CFAP299: variants seen among roughly 807,000 people sequenced by gnomAD.
CFAP299 encodes cilia- and flagella-associated protein 299.
Under a neutral mutation model 27.0 loss-of-function variants are expected in CFAP299, and 21 were observed. That is an observed-to-expected ratio of 0.78 (90% confidence interval 0.55 to 1.12). The LOEUF is 1.12. Among genes scored for constraint, CFAP299 ranks in the 50% most tolerant of loss-of-function variants. The pLI, the probability that CFAP299 is intolerant of heterozygous loss-of-function variation, is 0.00. For missense variants in CFAP299, 310 were observed against 276.6 expected, an observed-to-expected ratio of 1.12 and a Z score of -0.86; for synonymous variants, 104 against 98.1, an observed-to-expected ratio of 1.06 and a Z score of -0.36.
At chr4:80,892,964 T>A (rs963015474) in intron 4 of CFAP299, among the ~76,000 whole-genome samples, 3 of 151,900 alleles carry the variant, frequency 2.0e-5, no homozygotes, top group Non-Finnish European at 4.4e-5. Flanking sequence ...GACATAATCT[T>A]ATATGTAGAA....
chr4:80,868,023 C>A (rs1732845410), intron 3 of CFAP299, among the ~76,000 whole-genome samples: 1 of 152,100 alleles, frequency 6.6e-6, no homozygotes, highest in African/African-American at 2.4e-5. Flanking sequence ...TAGATTTATA[C>A]ACACATATGT....
chr4:80,656,601 A>G (rs997854356), intron 3 of CFAP299, among the ~76,000 whole-genome samples: 1 of 152,148 alleles, frequency 6.6e-6, no homozygotes, highest in Admixed American at 6.5e-5. Flanking sequence ...TATATGTACC[A>G]CGTTTTCTTT....
Position 80,716,018 on chromosome 4 carries a change from A to G in CFAP299, c.333+132835A>G, listed in dbSNP as rs574277595. On this transcript the variant is annotated intron_variant, in intron 3 of 5. Coordinates refer to ENST00000358105, the MANE Select transcript of CFAP299 (RefSeq NM_152770.3). ...TTGATTTTTAATATGTCTAAATCTGAAAAAAATCCTTCAAACTAACTAGGA... is the reference window on the plus strand; with the variant it reads ...TTGATTTTTAATATGTCTAAATCTGGAAAAAATCCTTCAAACTAACTAGGA... Among the ~76,000 whole-genome samples the G allele has an allele frequency of 2.0e-4, 31 of 152,150 alleles. No individual in the cohort carries two copies. In the South Asian group the frequency reaches 2.5e-3, roughly 12 times the overall value.
chr4:80,606,239 T>C (rs760295230), intron 3 of CFAP299, among the ~76,000 whole-genome samples: 1 of 152,132 alleles, frequency 6.6e-6, no homozygotes, highest in Non-Finnish European at 1.5e-5. Flanking sequence ...TGTACAAAGG[T>C]ATATAGCCAT....
chr4:80,804,329 T>C (rs970092716), intron 3 of CFAP299, among the ~76,000 whole-genome samples: 1 of 152,154 alleles, frequency 6.6e-6, no homozygotes, highest in South Asian at 2.1e-4. Context: ...CTGTCTCTAT[T>C]ATTTCACTAT....
At chr4:80,633,824 C>A (rs1387551202) in intron 3 of CFAP299, among the ~76,000 whole-genome samples, 1 of 152,030 alleles carries the variant, frequency 6.6e-6, no homozygotes, top group East Asian at 1.9e-4. Flanking sequence ...ATCTAAGTAG[C>A]AGTTTTTCCT....
intron 3 of CFAP299, among the ~76,000 whole-genome samples, chr4:80,665,630 G>A (rs1313743253): frequency 6.6e-6 from 1 of 152,032 alleles, no homozygotes; most frequent in Non-Finnish European, 1.5e-5. Context: ...TTCATATAAT[G>A]TTTTTGAACA....
intron 4 of CFAP299, among the ~76,000 whole-genome samples, chr4:80,891,778 T>TTAAAAAAAAATAAA (rs1734296216): frequency 3.9e-5 from 1 of 25,596 alleles, no homozygotes; most frequent in African/African-American, 2.2e-4. Context: ...AAAAAAAAAT[T>TTAAAAAAAAATAAA]AAAAAAAAAA....
intron 2 of CFAP299, among the ~76,000 whole-genome samples, chr4:80,445,653 C>A (rs774508528): frequency 6.6e-6 from 1 of 152,102 alleles, no homozygotes; most frequent in South Asian, 2.1e-4. Context: ...GCACATGTAT[C>A]CCAGAACTTA....
At chr4:80,854,828 A>C (rs1161201004) in intron 3 of CFAP299, among the ~76,000 whole-genome samples, 4 of 151,088 alleles carry the variant, frequency 2.6e-5, no homozygotes, top group Admixed American at 2.0e-4. Context: ...AAAAAAAAAA[A>C]AAAAAAAAAC....
chr4:80,735,837 A>G (rs184558789), intron 3 of CFAP299, among the ~76,000 whole-genome samples: 2 of 152,046 alleles, frequency 1.3e-5, no homozygotes, highest in Non-Finnish European at 2.9e-5. Flanking sequence ...ATGCAGTTTG[A>G]TAGTATTTTG....
At chr4:80,443,292 G>A (rs1461021953) in intron 2 of CFAP299, among the ~76,000 whole-genome samples, 1 of 152,098 alleles carries the variant, frequency 6.6e-6, no homozygotes. Flanking sequence ...CAAAATACTG[G>A]GAAACCGAAT....
intron 3 of CFAP299, among the ~76,000 whole-genome samples, chr4:80,762,019 T>C (rs1392701600): frequency 6.6e-6 from 1 of 152,010 alleles, no homozygotes; most frequent in African/African-American, 2.4e-5. Flanking sequence ...CATGTTTATA[T>C]GTGTTTGGGA....
At chr4:80,680,872 C>T (rs1719792632) in intron 3 of CFAP299, among the ~76,000 whole-genome samples, 3 of 152,040 alleles carry the variant, frequency 2.0e-5, no homozygotes, top group South Asian at 2.1e-4. Flanking sequence ...GAAGCCTGCC[C>T]CTTTTGGATC....
intron 4 of CFAP299, among the ~76,000 whole-genome samples, chr4:80,905,658 G>C (rs766163758): frequency 3.9e-5 from 6 of 152,114 alleles, no homozygotes; most frequent in Non-Finnish European, 8.8e-5. Flanking sequence ...TACAAACTTG[G>C]TGGAAGGGGA....
At chr4:80,775,846 A>G (rs1436222453) in intron 3 of CFAP299, among the ~76,000 whole-genome samples, 4 of 152,180 alleles carry the variant, frequency 2.6e-5, no homozygotes, top group Non-Finnish European at 5.9e-5. Flanking sequence ...ATTATTTTTA[A>G]CACATGGAAA....
At chr4:80,699,283 A>T (rs1002007139) in intron 3 of CFAP299, among the ~76,000 whole-genome samples, 5 of 151,870 alleles carry the variant, frequency 3.3e-5, no homozygotes, top group African/African-American at 1.2e-4. Flanking sequence ...GGCATAGCAG[A>T]CTCCTCTGAT....
intron 3 of CFAP299, among the ~76,000 whole-genome samples, chr4:80,767,101 G>A (rs561392301): frequency 4.0e-5 from 6 of 151,748 alleles, no homozygotes; most frequent in East Asian, 1.9e-4. Flanking sequence ...TTTCCTATAC[G>A]TACATATACA....
chr4:80,779,037 A>C (rs1010848616), intron 3 of CFAP299, among the ~76,000 whole-genome samples: 2 of 152,102 alleles, frequency 1.3e-5, no homozygotes, highest in Non-Finnish European at 2.9e-5. Context: ...TAAGCATTTC[A>C]TATATATTAC....
Sources: allele counts gnomAD v4.1 joint callset (sites outside exome capture counted in the v4.1 genomes callset), GRCh38; gene constraint gnomAD v4.1.1; transcripts MANE v1.5; gene names NCBI Gene and HGNC (gene_info 2026-07-23, HGNC 2026-07-21).